The following SNED1 variants were observed in gnomAD, a reference collection of about 807,000 sequenced individuals.
The protein encoded by SNED1 is sushi, nidogen and EGF-like domain-containing protein 1.
In SNED1, 81 loss-of-function variants were observed where a neutral mutation model predicts 166.7. The ratio of observed to expected loss-of-function variants is 0.49; its 90% CI spans 0.41 to 0.58. SNED1 has a LOEUF of 0.58. Ranked by LOEUF, SNED1 falls within the 20% of genes least tolerant of loss-of-function variation. The pLI is 0.00. For synonymous variants in SNED1, 762 were observed against 822.0 expected, an observed-to-expected ratio of 0.93 and a Z score of 1.25; for missense variants, 1,604 against 2,000.2, an observed-to-expected ratio of 0.80 and a Z score of 3.78.
rs769619279 is a variant in SNED1, at chr2:241,052,359, CT to C, written c.1975del (p.Ser659ProfsTer9). On this transcript the variant is annotated frameshift_variant, in exon 15 of 32. Transcript: ENST00000310397. LOFTEE classifies it high-confidence loss of function. The stretch of plus-strand genomic sequence containing the variant: ...GACCTTCCTGCATTCTGGCAGCCCC[CT>C]CCCCCTGCTTCCGGAGCCCGTGTGT... Reference protein sequence around the residue: ...FSGRHCEIAPSPCFRSPCVNG... With the variant: ...FSGRHCEIAPXPCFRSPCVNG... 1 of 1,573,462 alleles carries C rather than the reference CT, an allele frequency of 6.4e-7. No individual in the cohort carries two copies. Among genetic ancestry groups the C allele is most frequent in the South Asian group, 1.2e-5 (1 of 82,968 alleles).
Position 241,022,626 on chromosome 2 carries a change from T to C in SNED1, c.214-7658T>C, listed in dbSNP as rs575597255. On this transcript the variant is annotated intron_variant, in intron 1 of 31. Transcript: ENST00000310397. ...CCTCACTCTCCCCACCCCACACCAC[T>C]GCAAACACTTACCACTTGTGGAGAA... is the stretch of plus-strand genomic sequence containing the variant. Among the ~76,000 whole-genome samples, 15 of 152,282 alleles carry C rather than the reference T, an allele frequency of 9.9e-5. 1 individual carries two copies. In the South Asian group the frequency reaches 2.5e-3, roughly 25 times the overall value.
intron 1 of SNED1, among the ~76,000 whole-genome samples, chr2:241,020,426 G>T (rs1342876737): frequency 6.6e-6 from 1 of 152,230 alleles, no homozygotes; most frequent in Non-Finnish European, 1.5e-5. Context: ...CAGGCATCGG[G>T]GGCCCCGTGA....
chr2:240,998,873 C>T lies in SNED1; in HGVS notation c.36C>T (p.Ala12=), dbSNP rs1574816859. The T allele has an allele frequency of 1.6e-6, 2 of 1,212,632 alleles. No homozygotes were observed. The highest frequency in any genetic ancestry group is 2.0e-6 in the Non-Finnish European group (2 of 978,178). 75.1% of individuals were successfully genotyped at this position (1,212,632 alleles called of 1,614,324 possible). ...RHGVAWALLV[A]AALGLGARGV... is the part of the protein sequence containing the mutation. ...GCGTCGCCTGGGCGCTGCTGGTGGC[C>T]GCGGCCCTGGGGCTTGGGGCGCGCG... The change falls in exon 1 of 32, where the codon GCC becomes GCT. Residue 12 remains alanine (A), a synonymous_variant. Transcript: ENST00000310397.
rs569897400 is a variant in SNED1 at position 241,013,056 on chromosome 2, G to A, written c.213+14006G>A. Among the ~76,000 whole-genome samples the A allele has an allele frequency of 2.6e-4, 39 of 152,108 alleles. No homozygotes were observed. The highest frequency in any genetic ancestry group is 9.2e-4 in the African/African-American group (38 of 41,498). ...TCACCATGTTAGCCAGGATGGTCTC[G>A]ATCTCCTGACCTCGTGATCCGCCTG... On this transcript the variant is annotated intron_variant, in intron 1 of 31. Coordinates refer to ENST00000310397, the MANE Select transcript of SNED1 (RefSeq NM_001080437.3). This position sits in a 1 kb window ranked among gnomAD's most constrained non-coding sequence, Gnocchi z 4.6.
Position 241,057,008 on chromosome 2 carries a change from T to C in SNED1, c.2257+3682T>C, listed in dbSNP as rs116166047. 2.6e-3 allele frequency among the ~76,000 whole-genome samples: 394 copies of C among 152,180 alleles called. 4 individuals are homozygous for C. The highest frequency in any genetic ancestry group is 9.1e-3 in the African/African-American group (376 of 41,526). On this transcript the variant is annotated intron_variant, in intron 16 of 31. Transcript: ENST00000310397. ...GGCAAAAGAATATTTGAAGAGATAA[T>C]AATTGGACATTTTCTAAAAATGAAG...
chr2:241,081,614 T>G (rs1450803262), intron 27 of SNED1, 63 bp from the exon 28 acceptor site: 2 of 1,223,740 alleles, frequency 1.6e-6, no homozygotes, highest in African/African-American at 3.0e-5. Context: ...GACAGCAACA[T>G]GTCCATGAGG....
chr2:241,036,835 G>A lies in SNED1; in HGVS notation c.851G>A (p.Cys284Tyr). 1 of 1,611,282 alleles carries A rather than the reference G, an allele frequency of 6.2e-7. No homozygotes were observed. ...CGCCCCTGCCTCAACGGCGGCAAGT[G>A]CATCGACGACTGCGTCACGGGCAAC... Reference protein sequence around the residue: ...ALRPCLNGGKCIDDCVTGNPS... With the variant: ...ALRPCLNGGKYIDDCVTGNPS... The change falls in exon 5 of 32, where the codon TGC becomes TAC. Residue 284 changes from cysteine (C) to tyrosine (Y), a missense_variant. Physicochemically the swap from Cys to Tyr is radical, Grantham distance 194 (BLOSUM62 -2). Coordinates refer to ENST00000310397, the MANE Select transcript of SNED1 (RefSeq NM_001080437.3).
intron 8 of SNED1, 91 bp downstream of exon 8, chr2:241,040,504 C>A: frequency 1.3e-6 from 1 of 789,518 alleles, no homozygotes; most frequent in Non-Finnish European, 2.0e-6. Flanking sequence ...CCTTCCTTGC[C>A]ATCTGACTCA....
intron 29 of SNED1, among the ~76,000 whole-genome samples, chr2:241,083,437 G>A (rs1048465383): frequency 6.6e-5 from 10 of 152,194 alleles, no homozygotes; most frequent in African/African-American, 2.2e-4. Context: ...TGACATGTTC[G>A]ATTACACTAC....
intron 1 of SNED1, among the ~76,000 whole-genome samples, chr2:241,020,011 A>G (rs2060724524): frequency 6.6e-6 from 1 of 152,230 alleles, no homozygotes. Flanking sequence ...GCTGGGGTCC[A>G]CAGAGGATGG....
In SNED1 at chr2:241,048,273, C is replaced by A. The variant is rs747527419; in HGVS notation, c.1274-42C>A. ...CTGGGCGGGGAGACCACTCTCCCCA[C>A]ATTCCCTGCGTGGCCGCTGGTGACT... On this transcript the variant is annotated intron_variant, in intron 8 of 31. Coordinates refer to ENST00000310397, the MANE Select transcript of SNED1 (RefSeq NM_001080437.3). 10 of 1,553,004 alleles carry A rather than the reference C, an allele frequency of 6.4e-6. No individual in the cohort carries two copies. The Admixed American group carries it at 1.8e-4, about 27-fold the overall frequency.
chr2:241,050,036 C>T lies in SNED1; in HGVS notation c.1735+103C>T. 3.6e-6 allele frequency: 3 copies of T among 823,078 alleles called. No homozygotes were observed. In the East Asian group the frequency reaches 7.8e-5, roughly 21 times the overall value. The allele number at this position is 823,078 out of a possible 1,614,324, so 51.0% of individuals were successfully genotyped here. On this transcript the variant is annotated intron_variant, in intron 12 of 31. Transcript: ENST00000310397. ...GTCTCTCTCCTTGTTTCGCGAATTG[C>T]TGACCTCGTCTAGAGCCTTGCCTGA...
At chr2:241,086,126 C>T (rs972216319) in intron 29 of SNED1, among the ~76,000 whole-genome samples, 4 of 152,152 alleles carry the variant, frequency 2.6e-5, no homozygotes, top group African/African-American at 9.7e-5. Context: ...CTTGGCCTCC[C>T]AAAGTGCTGG....
chr2:241,035,045 G>A (rs1389151901), intron 4 of SNED1, among the ~76,000 whole-genome samples: 3 of 152,090 alleles, frequency 2.0e-5, no homozygotes, highest in South Asian at 2.1e-4. Flanking sequence ...TGCGGGTTTC[G>A]GGGGTAAAGA....
chr2:241,031,537 C>T (rs1463006034), intron 2 of SNED1, among the ~76,000 whole-genome samples: 1 of 152,224 alleles, frequency 6.6e-6, no homozygotes, highest in Non-Finnish European at 1.5e-5. Context: ...GTCACTCTAG[C>T]AAGGCATCAG....
In SNED1 at chr2:241,073,776, G is replaced by A. The variant is rs965199426; in HGVS notation, c.3916+412G>A. The A allele has an allele frequency of 2.1e-5, 7 of 335,032 alleles. No individual in the cohort carries two copies. The highest frequency in any genetic ancestry group is 1.2e-4 in the African/African-American group (6 of 48,108). The allele number at this position is 335,032 out of a possible 1,614,324, so 20.8% of individuals were successfully genotyped here. On this transcript the variant is annotated intron_variant, in intron 27 of 31. Coordinates refer to ENST00000310397, the MANE Select transcript of SNED1 (RefSeq NM_001080437.3). The surrounding 1 kb of genome is among the most constrained non-coding windows in gnomAD (Gnocchi z 6.6). ...GAAGCAGAGGGAGCAGCCACTGGGCGAGCCCCAGCTTGAGGACTAGCTGGG... is the reference window on the plus strand; with the variant it reads ...GAAGCAGAGGGAGCAGCCACTGGGCAAGCCCCAGCTTGAGGACTAGCTGGG...
chr2:241,001,864 A>G (rs918808322), intron 1 of SNED1, among the ~76,000 whole-genome samples: 2 of 152,212 alleles, frequency 1.3e-5, no homozygotes, highest in Admixed American at 6.5e-5. Flanking sequence ...TTTGAGGGTC[A>G]AGAGTGGGTG....
chr2:241,014,256 A>G (rs1316327994), intron 1 of SNED1, among the ~76,000 whole-genome samples: 5 of 152,126 alleles, frequency 3.3e-5, no homozygotes, highest in Non-Finnish European at 5.9e-5. Flanking sequence ...TGATCTGCCC[A>G]CCTCAGCCTC....
rs4675997 is a variant in SNED1, at chr2:241,069,832, G to A, written c.3308-88G>A. The A allele has an allele frequency of 4.7e-5, 69 of 1,461,718 alleles. No individual in the cohort carries two copies. Among genetic ancestry groups the A allele is most frequent in the South Asian group, 3.0e-4 (23 of 77,810 alleles). 90.5% of individuals were successfully genotyped at this position (1,461,718 alleles called of 1,614,324 possible). On this transcript the variant is annotated intron_variant, in intron 23 of 31. Transcript: ENST00000310397. This position sits in a 1 kb window ranked among gnomAD's most constrained non-coding sequence, Gnocchi z 4.9. ...AGAATCTGGCTTCCAGCAAGGCTGC[G>A]GCAGCCCATGTCCGGTTCTCAAACC... is the stretch of plus-strand genomic sequence containing the variant.
Sources: gnomAD v4.1 joint callset for allele counts (sites outside exome capture counted in the v4.1 genomes callset) on GRCh38, gnomAD v4.1.1 for gene constraint, Gnocchi (gnomAD v3.1) non-coding constraint, MANE v1.5 for transcripts, NCBI Gene and HGNC (gene_info 2026-07-23, HGNC 2026-07-21) for gene names.